Variants in GRIP1 observed in about 807,000 individuals in gnomAD.
The protein encoded by GRIP1 is glutamate receptor interacting protein 1, also known as glutamate receptor-interacting protein 1.
GRIP1 carries 45 observed loss-of-function variants against 129.9 expected under a neutral mutation model. That is an observed-to-expected ratio of 0.35 (90% CI 0.27 to 0.44). The LOEUF (loss-of-function observed/expected upper bound fraction) is 0.44. Among genes scored for constraint, GRIP1 ranks in the 20% least tolerant of loss-of-function variants. The pLI, the probability that GRIP1 is intolerant of heterozygous loss-of-function variation, is 1.00. For synonymous variants in GRIP1, 530 were observed against 520.8 expected, an observed-to-expected ratio of 1.02 and a Z score of -0.24; for missense variants, 1,196 against 1,396.8, an observed-to-expected ratio of 0.86 and a Z score of 2.29.
intron 1 of GRIP1, among the ~76,000 whole-genome samples, chr12:66,723,309 T>C (rs1353760962): frequency 0.026 from 991 of 38,222 alleles, 56 homozygotes; most frequent in African/African-American, 0.058. Flanking sequence ...TCTTTCTTTT[T>C]TTTTTTTTTT....
At chr12:66,929,350 T>C (rs1390071694) in intron 1 of GRIP1, among the ~76,000 whole-genome samples, 1 of 152,190 alleles carries the variant, frequency 6.6e-6, no homozygotes, top group African/African-American at 2.4e-5. Context: ...CCAACTCCAG[T>C]TTCTCTCTAC....
chr12:66,524,901 C>T (rs892361290), intron 5 of GRIP1, among the ~76,000 whole-genome samples: 2 of 152,166 alleles, frequency 1.3e-5, no homozygotes, highest in African/African-American at 4.8e-5. Context: ...ACTACAAATA[C>T]CTCTACGCAA....
chr12:66,807,454 A>G (rs948871707), upstream of GRIP1, among the ~76,000 whole-genome samples: 14 of 152,118 alleles, frequency 9.2e-5, no homozygotes, highest in Non-Finnish European at 4.4e-5. Flanking sequence ...CAGGTGGATC[A>G]AAAGGTCAGG....
At chr12:66,789,801 T>C (rs913281606) in intron 1 of GRIP1, among the ~76,000 whole-genome samples, 1 of 152,168 alleles carries the variant, frequency 6.6e-6, no homozygotes, top group Non-Finnish European at 1.5e-5. Context: ...GTTACAGTAA[T>C]TGTTTACAGA....
chr12:66,695,093 C>A (rs555419056), intron 1 of GRIP1, among the ~76,000 whole-genome samples: 27 of 152,236 alleles, frequency 1.8e-4, no homozygotes, highest in Admixed American at 1.4e-3. Flanking sequence ...TCATAAAGAC[C>A]ATCAGGCTGC....
At chr12:66,951,351 GAGA>G (rs1011232125) in intron 1 of GRIP1, among the ~76,000 whole-genome samples, 2 of 152,180 alleles carry the variant, frequency 1.3e-5, no homozygotes, top group Non-Finnish European at 2.9e-5. Flanking sequence ...GCTGGGGAAT[GAGA>G]AGAACATTTC....
rs2064070765 is a variant in GRIP1, at chr12:66,596,860, T to C, written c.123A>G (p.Arg41=). 1 of 1,611,854 alleles carries C rather than the reference T, an allele frequency of 6.2e-7. No homozygotes were observed. The highest frequency in any genetic ancestry group is 8.5e-7 in the Non-Finnish European group (1 of 1,177,928). The change falls in exon 2 of 25, where the codon AGA becomes AGG. Residue 41 remains arginine (R), a synonymous_variant. Transcript: ENST00000359742. ...GTCTGGTCTAACCTGGGATGCTCTGTCTCCTCACAGCCAACGCTCCATCAG... is the reference window on the plus strand; with the variant it reads ...GTCTGGTCTAACCTGGGATGCTCTGCCTCCTCACAGCCAACGCTCCATCAG... ...KPPDGALAVR[R]QSIPEEFKGS...
intron 20 of GRIP1, among the ~76,000 whole-genome samples, chr12:66,378,861 C>G (rs944006269): frequency 5.3e-5 from 8 of 151,742 alleles, no homozygotes; most frequent in Admixed American, 3.9e-4. Context: ...GCATGTGAAT[C>G]GCTAGAACCT....
intron 1 of GRIP1, among the ~76,000 whole-genome samples, chr12:66,653,874 TGTCCAGTCCTACTGGGTCA>T (rs2136156021): frequency 1.3e-5 from 2 of 152,260 alleles, no homozygotes; most frequent in South Asian, 4.1e-4. Flanking sequence ...AGACCAGAGG[TGTCCAGTCCTACTGGGTCA>T]GGACTGGACA....
At chr12:66,790,085 G>C (rs2038481956) in intron 1 of GRIP1, among the ~76,000 whole-genome samples, 1 of 134,986 alleles carries the variant, frequency 7.4e-6, no homozygotes, top group Non-Finnish European at 1.5e-5. Flanking sequence ...ATATGCCACT[G>C]TACTTAAATT....
chr12:66,362,703 T>A (rs2054847922), intron 23 of GRIP1, among the ~76,000 whole-genome samples: 1 of 151,790 alleles, frequency 6.6e-6, no homozygotes, highest in Non-Finnish European at 1.5e-5. Context: ...CAGACCAGAA[T>A]CAAACTTAAG....
chr12:66,889,878 T>C (rs1018439568), intron 1 of GRIP1, among the ~76,000 whole-genome samples: 7 of 152,162 alleles, frequency 4.6e-5, no homozygotes, highest in African/African-American at 1.7e-4. Flanking sequence ...ATATGGCCTT[T>C]AGATTAAATT....
At chr12:66,495,645 C>CT (rs2060217912) in intron 7 of GRIP1, among the ~76,000 whole-genome samples, 1 of 151,938 alleles carries the variant, frequency 6.6e-6, no homozygotes, top group East Asian at 1.9e-4. Flanking sequence ...TTACGTGAGC[C>CT]CCCCACCCCC....
chr12:66,511,572 G>A lies in GRIP1; in HGVS notation c.724+4047C>T, dbSNP rs533476482. Reference sequence around the variant, plus strand: ...TTGCCTTCCATACCACAGTTGTAGAGTGCACTATATCCCTGGACACAGTGC... The same window carrying A: ...TTGCCTTCCATACCACAGTTGTAGAATGCACTATATCCCTGGACACAGTGC... On this transcript the variant is annotated intron_variant, in intron 7 of 24. Transcript: ENST00000359742. 2.6e-5 allele frequency among the ~76,000 whole-genome samples: 4 copies of A among 152,254 alleles called. No individual in the cohort carries two copies. In the East Asian group the frequency reaches 7.7e-4, roughly 29 times the overall value.
intron 1 of GRIP1, among the ~76,000 whole-genome samples, chr12:66,608,932 A>AG (rs2064666217): frequency 1.0e-5 from 1 of 97,428 alleles, no homozygotes; most frequent in Non-Finnish European, 2.3e-5. Flanking sequence ...AACATGAAAC[A>AG]AATTATTATT....
intron 1 of GRIP1, among the ~76,000 whole-genome samples, chr12:66,669,645 T>C (rs1004940317): frequency 2.6e-5 from 4 of 152,170 alleles, no homozygotes; most frequent in Non-Finnish European, 4.4e-5. Context: ...TATTCAGTGG[T>C]GTGCTGGTAA....
At chr12:66,456,404 A>T (rs2058965993) in intron 9 of GRIP1, 62 bp from the exon 10 acceptor site, 1 of 919,994 alleles carries the variant, frequency 1.1e-6, no homozygotes, top group African/African-American at 1.7e-5. Context: ...AGAACCAAAA[A>T]AGAGGAAAAA....
chr12:66,679,664 C>A (rs2034508068), upstream of GRIP1, among the ~76,000 whole-genome samples: 2 of 152,084 alleles, frequency 1.3e-5, no homozygotes, highest in Non-Finnish European at 1.5e-5. Context: ...GGAGTCCCAG[C>A]CCCTTTAATC....
At chr12:66,396,475 AT>A (rs1372351598) in intron 16 of GRIP1, among the ~76,000 whole-genome samples, 4 of 152,200 alleles carry the variant, frequency 2.6e-5, no homozygotes, top group Admixed American at 2.0e-4. Flanking sequence ...ATTCCATGTT[AT>A]TTTTTGACAA....
Sources: allele counts gnomAD v4.1 joint callset (sites outside exome capture counted in the v4.1 genomes callset), GRCh38; gene constraint gnomAD v4.1.1; transcripts MANE v1.5; gene names NCBI Gene and HGNC (gene_info 2026-07-23, HGNC 2026-07-21).